The following EPC2 variants were observed in gnomAD, a reference collection of about 807,000 sequenced individuals.
The protein encoded by EPC2 is enhancer of polycomb 2, also known as enhancer of polycomb homolog 2.
EPC2 carries 14 observed loss-of-function variants against 92.1 expected under a neutral mutation model. The observed-to-expected ratio is 0.15, with a 90% CI of 0.10 to 0.24. The LOEUF (loss-of-function observed/expected upper bound fraction) is 0.24. Among genes scored for constraint, EPC2 ranks in the 10% least tolerant of loss-of-function variants. The pLI is 1.00. For missense variants in EPC2, 755 were observed against 971.5 expected (o/e 0.78, Z 2.96); for synonymous variants, 340 against 334.7 (o/e 1.02, Z -0.17).
rs1342317089 is a variant in EPC2, at chr2:148,774,931, C to CA, written c.1720+3552dup. Among the ~76,000 whole-genome samples the CA allele has an allele frequency of 6.7e-5, 10 of 150,184 alleles. No individual in the cohort carries two copies. In the South Asian group the frequency reaches 1.7e-3, roughly 25 times the overall value. On this transcript the variant is annotated intron_variant, in intron 10 of 13. Transcript: ENST00000258484. Reference sequence around the variant, plus strand: ...TGAAACCCCGACTCTACTAAAAATACAAAAAAAATTAGCCAGGCGTGGTGG... The same window carrying CA: ...TGAAACCCCGACTCTACTAAAAATACAAAAAAAAATTAGCCAGGCGTGGTGG...
At chr2:148,661,782 G>T (rs1680940651) in intron 1 of EPC2, among the ~76,000 whole-genome samples, 1 of 151,366 alleles carries the variant, frequency 6.6e-6, no homozygotes, top group Non-Finnish European at 1.5e-5. Context: ...AATTTTTTTT[G>T]GCATCTGTGG....
chr2:148,668,747 G>A lies in EPC2; in HGVS notation c.154-21467G>A, dbSNP rs187213363. Among the ~76,000 whole-genome samples, 7 of 152,212 alleles carry A rather than the reference G, an allele frequency of 4.6e-5. No individual in the cohort carries two copies. The East Asian group carries it at 1.3e-3, about 29-fold the overall frequency. On this transcript the variant is annotated intron_variant, in intron 1 of 13. Transcript: ENST00000258484. ...TCTGGAGTGATATTACCTCTTGTTT[G>A]TGATATTGGTCATTTGTGTCTTCTC...
chr2:148,656,024 TGGGGGGGG>T (rs71411354), intron 1 of EPC2, among the ~76,000 whole-genome samples: 4 of 111,732 alleles, frequency 3.6e-5, no homozygotes, highest in Admixed American at 9.1e-5. Flanking sequence ...TGTGTGTGTG[TGGGGGGGG>T]GGGGGGTTAT....
intron 2 of EPC2, among the ~76,000 whole-genome samples, chr2:148,721,132 A>G (rs928332347): frequency 2.6e-5 from 4 of 152,198 alleles, no homozygotes; most frequent in Non-Finnish European, 4.4e-5. Context: ...TACTCTTCCT[A>G]TGTTTATGTA....
At chr2:148,725,063 G>A (rs1173367533) in intron 2 of EPC2, among the ~76,000 whole-genome samples, 5 of 151,934 alleles carry the variant, frequency 3.3e-5, no homozygotes, top group Admixed American at 1.3e-4. Context: ...TTGAAATATC[G>A]ATGAATTTTC....
chr2:148,767,747 A>T (rs1017987629), intron 7 of EPC2, among the ~76,000 whole-genome samples: 3 of 152,118 alleles, frequency 2.0e-5, no homozygotes, highest in Non-Finnish European at 4.4e-5. Context: ...TTTTCCTAAC[A>T]TTAGCTTTGT....
rs931011019 is a variant in EPC2, at chr2:148,645,300, T to C, written c.153+130T>C. ...GCTGCCGCTCTAACGCACGGGACTCTACGCCGGCGGAGTAGCGTAAACCCT... is the reference window on the plus strand; with the variant it reads ...GCTGCCGCTCTAACGCACGGGACTCCACGCCGGCGGAGTAGCGTAAACCCT... On this transcript the variant is annotated intron_variant, in intron 1 of 13. Transcript: ENST00000258484. 13 of 811,756 alleles carry C rather than the reference T, an allele frequency of 1.6e-5. No individual in the cohort carries two copies. In the African/African-American group the frequency reaches 2.3e-4, roughly 15 times the overall value. The allele number at this position is 811,756 out of a possible 1,614,324, so 50.3% of individuals were successfully genotyped here. A position where few individuals can be genotyped will look rare whatever the true frequency, so the allele number is the denominator to read the frequency against.
Position 148,765,093 on chromosome 2 carries a change from A to G in EPC2, c.1087A>G (p.Ser363Gly). Residue 363 changes from serine (S) to glycine (G), a missense_variant, in exon 7 of 14, where the codon AGT becomes GGT. By Grantham distance (56) the Ser-to-Gly change is moderately conservative. This residue lies in a region of EPC2 where 509 missense variants were observed against 607.7 expected (regional missense o/e 0.84). Transcript: ENST00000258484. Reference sequence around the variant, plus strand: ...TGAGACATTGCCTGTGATCAATAAGAGTGACATTAAGCAATATGATTTTCA... The same window carrying G: ...TGAGACATTGCCTGTGATCAATAAGGGTGACATTAAGCAATATGATTTTCA... ...TPETLPVINKSDIKQYDFHSS... is the reference protein window; with the variant it reads ...TPETLPVINKGDIKQYDFHSS... 1 of 1,604,832 alleles carries G rather than the reference A, an allele frequency of 6.2e-7. No homozygotes were observed. The highest frequency in any genetic ancestry group is 1.1e-5 in the South Asian group (1 of 89,334).
chr2:148,737,977 G>A (rs1350263154), intron 2 of EPC2, among the ~76,000 whole-genome samples: 2 of 152,064 alleles, frequency 1.3e-5, no homozygotes, highest in Non-Finnish European at 2.9e-5. Flanking sequence ...GTTGGGAGTG[G>A]GTCCTGCTTC....
intron 3 of EPC2, among the ~76,000 whole-genome samples, chr2:148,752,980 A>G (rs1683107892): frequency 6.6e-6 from 1 of 152,224 alleles, no homozygotes; most frequent in Non-Finnish European, 1.5e-5. Flanking sequence ...CTAAAATAAT[A>G]CAAGTAAAAA....
intron 3 of EPC2, among the ~76,000 whole-genome samples, chr2:148,749,532 A>G (rs1441463824): frequency 1.3e-5 from 2 of 148,506 alleles, no homozygotes; most frequent in Non-Finnish European, 1.5e-5. Flanking sequence ...ATACTGCATT[A>G]TTGATTATGC....
intron 2 of EPC2, among the ~76,000 whole-genome samples, chr2:148,708,890 A>G (rs1682070235): frequency 6.6e-6 from 1 of 152,156 alleles, no homozygotes; most frequent in Non-Finnish European, 1.5e-5. Flanking sequence ...CCAGTATCAT[A>G]GTGAATGGGC....
At chr2:148,725,695 A>C (rs1682480703) in intron 2 of EPC2, among the ~76,000 whole-genome samples, 1 of 152,056 alleles carries the variant, frequency 6.6e-6, no homozygotes. Flanking sequence ...CCTTCATGCC[A>C]CTGACATTTT....
Position 148,734,692 on chromosome 2 carries a change from G to A in EPC2, c.314-8930G>A, listed in dbSNP as rs543202708. On this transcript the variant is annotated intron_variant, in intron 2 of 13. Coordinates refer to ENST00000258484, the MANE Select transcript of EPC2 (RefSeq NM_015630.4). ...ATCTTTGGAGATAGGTGCATTTATT[G>A]CCCTTGTTTTATAGCAACTAATCTG... Among the ~76,000 whole-genome samples, 36 of 151,830 alleles carry A rather than the reference G, an allele frequency of 2.4e-4. 1 individual carries two copies. The highest frequency in any genetic ancestry group is 7.7e-4 in the African/African-American group (32 of 41,444).
In EPC2 at chr2:148,713,781, C is replaced by T. The variant is rs184976226; in HGVS notation, c.313+23408C>T. Among the ~76,000 whole-genome samples the T allele has an allele frequency of 9.2e-5, 14 of 152,228 alleles. No individual in the cohort carries two copies. In the East Asian group the frequency reaches 1.5e-3, roughly 17 times the overall value. ...CTAGCATGCTCTACAGGTTTGTAGC[C>T]TAGGAGCAATAGGCTACAGCATATA... is the stretch of plus-strand genomic sequence containing the variant. On this transcript the variant is annotated intron_variant, in intron 2 of 13. Coordinates refer to ENST00000258484, the MANE Select transcript of EPC2 (RefSeq NM_015630.4).
chr2:148,760,530 TA>T (rs1437001312), intron 4 of EPC2, among the ~76,000 whole-genome samples: 2 of 152,168 alleles, frequency 1.3e-5, no homozygotes, highest in African/African-American at 4.8e-5. Flanking sequence ...GGCACTTTAA[TA>T]GTTGCTGTCG....
intron 3 of EPC2, among the ~76,000 whole-genome samples, chr2:148,744,956 A>T: frequency 7.2e-6 from 1 of 138,204 alleles, no homozygotes; most frequent in African/African-American, 2.6e-5. Context: ...TCCTTTGGCA[A>T]GTGACTTTGC....
At chr2:148,783,559 T>C (rs1683799259) in intron 11 of EPC2, 38 bp from the exon 12 acceptor site, 1 of 1,560,178 alleles carries the variant, frequency 6.4e-7, no homozygotes, top group African/African-American at 1.4e-5. Context: ...TAAAATCACA[T>C]CTAAAAATTA....
intron 2 of EPC2, among the ~76,000 whole-genome samples, chr2:148,717,461 A>C (rs1283368037): frequency 2.0e-5 from 3 of 152,168 alleles, no homozygotes; most frequent in Admixed American, 2.0e-4. Flanking sequence ...CATTAGTTTC[A>C]GAGAAATTAT....
Sources: gnomAD v4.1 joint callset for allele counts (sites outside exome capture counted in the v4.1 genomes callset) on GRCh38, gnomAD v4.1.1 for gene constraint, gnomAD v4.1.1 regional missense constraint, MANE v1.5 for transcripts, NCBI Gene and HGNC (gene_info 2026-07-23, HGNC 2026-07-21) for gene names.